The following GRM7 variants were observed in gnomAD, a reference collection of about 807,000 sequenced individuals.
GRM7 encodes the protein metabotropic glutamate receptor 7.
In GRM7, 35 loss-of-function variants were observed where a neutral mutation model predicts 84.5. The observed-to-expected ratio is 0.41, with a 90% confidence interval of 0.32 to 0.55. The LOEUF (loss-of-function observed/expected upper bound fraction) is 0.55. Among genes scored for constraint, GRM7 ranks in the 20% least tolerant of loss-of-function variants. The probability of loss-of-function intolerance (pLI) is 0.19; values close to 1 mark genes in which losing one functional copy is unlikely to be tolerated. For synonymous variants in GRM7, 487 were observed against 455.1 expected (o/e 1.07, Z -0.89); for missense variants, 1,003 against 1,194.6 (o/e 0.84, Z 2.36).
Position 7,267,110 on chromosome 3 carries a change from A to AT in GRM7, c.737-31567dup, listed in dbSNP as rs979203155. ...GTGTATTTGGAATTTGTAGTTAACT[A>AT]TTTTTTTGAGTCAAAAACACAGAAG... On this transcript the variant is annotated intron_variant, in intron 2 of 9. Transcript: ENST00000357716. Among the ~76,000 whole-genome samples, 97 of 152,268 alleles carry AT rather than the reference A, an allele frequency of 6.4e-4. 3 individuals carry two copies. Among genetic ancestry groups the AT allele is most frequent in the East Asian group, 9.7e-4 (5 of 5,180 alleles).
intron 1 of GRM7, among the ~76,000 whole-genome samples, chr3:6,962,942 A>G (rs1360495472): frequency 1.3e-5 from 2 of 152,228 alleles, no homozygotes; most frequent in Non-Finnish European, 2.9e-5. Context: ...ATCAATCATG[A>G]AGTGATTGTG....
intron 2 of GRM7, among the ~76,000 whole-genome samples, chr3:7,292,735 A>AG (rs1166144809): frequency 6.6e-6 from 1 of 151,622 alleles, no homozygotes; most frequent in African/African-American, 2.4e-5. Flanking sequence ...TTAAAAAAAA[A>AG]AACAAACCAT....
At chr3:7,585,907 A>G (rs1382187315) in intron 8 of GRM7, among the ~76,000 whole-genome samples, 7 of 152,170 alleles carry the variant, frequency 4.6e-5, no homozygotes, top group Non-Finnish European at 8.8e-5. Flanking sequence ...CATAGACTAT[A>G]GGTCACAATA....
chr3:7,240,121 T>TTTTTTTTG (rs1697497406), intron 2 of GRM7, among the ~76,000 whole-genome samples: 2 of 30,702 alleles, frequency 6.5e-5, no homozygotes, highest in African/African-American at 2.8e-4. Flanking sequence ...GCATGTGAGG[T>TTTTTTTTG]TTTTTTTTTT....
intron 2 of GRM7, among the ~76,000 whole-genome samples, chr3:7,264,832 G>C (rs1393435863): frequency 6.6e-6 from 1 of 150,658 alleles, no homozygotes; most frequent in Non-Finnish European, 1.5e-5. Context: ...CTACACCAGA[G>C]TTACCTCGGG....
chr3:7,679,510 G>A (rs1461028942), intron 8 of GRM7, among the ~76,000 whole-genome samples: 1 of 151,998 alleles, frequency 6.6e-6, no homozygotes, highest in Non-Finnish European at 1.5e-5. Flanking sequence ...TAAGCAAGAA[G>A]ATCTTAGTTT....
intron 7 of GRM7, among the ~76,000 whole-genome samples, chr3:7,511,239 C>A (rs116829038): frequency 1.3e-5 from 2 of 152,140 alleles, no homozygotes; most frequent in Admixed American, 6.5e-5. Flanking sequence ...GGGGAAGGAA[C>A]CTTGATTAAG....
At chr3:7,247,337 C>T (rs1447526178) in intron 2 of GRM7, among the ~76,000 whole-genome samples, 9 of 151,852 alleles carry the variant, frequency 5.9e-5, no homozygotes, top group Non-Finnish European at 7.4e-5. Context: ...CTTGAGAGGC[C>T]GAGGCACAAA....
intron 1 of GRM7, among the ~76,000 whole-genome samples, chr3:6,878,794 C>T (rs886095476): frequency 4.6e-5 from 7 of 152,130 alleles, no homozygotes; most frequent in Admixed American, 6.6e-5. Context: ...TTTTCAATTG[C>T]CCTCAAACTT....
At chr3:6,977,921 C>G (rs1694060616) in intron 1 of GRM7, among the ~76,000 whole-genome samples, 1 of 151,978 alleles carries the variant, frequency 6.6e-6, no homozygotes, top group African/African-American at 2.4e-5. Context: ...TCTGTTTTTG[C>G]CCTATGTTAA....
intron 1 of GRM7, among the ~76,000 whole-genome samples, chr3:7,109,654 T>C (rs1204431606): frequency 1.3e-5 from 2 of 152,144 alleles, no homozygotes; most frequent in African/African-American, 4.8e-5. Flanking sequence ...GGACTCCTTT[T>C]CATTTCGTCC....
At chr3:7,198,805 G>T (rs1021957661) in intron 2 of GRM7, among the ~76,000 whole-genome samples, 2 of 152,150 alleles carry the variant, frequency 1.3e-5, no homozygotes, top group Non-Finnish European at 2.9e-5. Flanking sequence ...AAAATTATAA[G>T]TTGAGCCATC....
chr3:6,973,041 G>C (rs1220348910), intron 1 of GRM7, among the ~76,000 whole-genome samples: 2 of 152,146 alleles, frequency 1.3e-5, no homozygotes, highest in Non-Finnish European at 2.9e-5. Context: ...ATGGCACTTT[G>C]GGCATTTTAC....
chr3:7,283,030 G>T (rs1443641437), intron 2 of GRM7, among the ~76,000 whole-genome samples: 1 of 152,114 alleles, frequency 6.6e-6, no homozygotes, highest in African/African-American at 2.4e-5. Flanking sequence ...TTCTATTTCA[G>T]TTCTGCTTGG....
intron 2 of GRM7, among the ~76,000 whole-genome samples, chr3:7,215,576 A>T (rs1204429058): frequency 6.6e-6 from 1 of 152,006 alleles, no homozygotes; most frequent in Non-Finnish European, 1.5e-5. Flanking sequence ...GAGGCAGAAG[A>T]ATGGCGTGAA....
intron 4 of GRM7, among the ~76,000 whole-genome samples, chr3:7,322,464 T>C (rs1039876319): frequency 6.6e-6 from 1 of 151,950 alleles, no homozygotes; most frequent in East Asian, 1.9e-4. Flanking sequence ...ATGGATACGT[T>C]CTTTAGTGGT....
intron 1 of GRM7, among the ~76,000 whole-genome samples, chr3:7,107,893 A>G (rs1011086160): frequency 1.3e-5 from 2 of 152,094 alleles, no homozygotes; most frequent in Non-Finnish European, 2.9e-5. Flanking sequence ...CCAAAGAGCC[A>G]ATTTCAGAGA....
chr3:7,513,393 A>C (rs1447766030), intron 7 of GRM7, among the ~76,000 whole-genome samples: 1 of 152,174 alleles, frequency 6.6e-6, no homozygotes, highest in African/African-American at 2.4e-5. Context: ...TACCAAGATA[A>C]AACCTTTTTT....
chr3:7,664,025 C>T (rs1559473027), intron 8 of GRM7, among the ~76,000 whole-genome samples: 1 of 152,292 alleles, frequency 6.6e-6, no homozygotes, highest in Non-Finnish European at 1.5e-5. Context: ...AAAGCCTGTG[C>T]TACAGGGTTA....
Sources: allele counts gnomAD v4.1 joint callset (sites outside exome capture counted in the v4.1 genomes callset), GRCh38; gene constraint gnomAD v4.1.1; transcripts MANE v1.5; gene names NCBI Gene and HGNC (gene_info 2026-07-23, HGNC 2026-07-21).